Variants in CDH8 observed in about 807,000 individuals in gnomAD.
The protein encoded by CDH8 is cadherin-8.
In CDH8, 17 loss-of-function variants were observed where a neutral mutation model predicts 68.1. The observed-to-expected ratio is 0.25, with a 90% CI of 0.17 to 0.37. The LOEUF is 0.37. CDH8 is among the 10% of genes least tolerant of loss of function. CDH8 has a pLI of 1.00. For synonymous variants in CDH8, 372 were observed against 365.1 expected, an observed-to-expected ratio of 1.02 and a Z score of -0.21; for missense variants, 763 against 999.3, an observed-to-expected ratio of 0.76 and a Z score of 3.19.
At chr16:61,665,749 T>A (rs910694491) in intron 10 of CDH8, among the ~76,000 whole-genome samples, 1 of 149,812 alleles carries the variant, frequency 6.7e-6, no homozygotes. Flanking sequence ...AGTCTGAATT[T>A]ATTTTCCTTC....
intron 8 of CDH8, among the ~76,000 whole-genome samples, chr16:61,787,979 C>T (rs1427597506): frequency 6.7e-6 from 1 of 148,468 alleles, no homozygotes; most frequent in Non-Finnish European, 1.5e-5. Flanking sequence ...GGAAGATATA[C>T]CTAATGCTAG....
intron 2 of CDH8, among the ~76,000 whole-genome samples, chr16:61,926,353 G>A (rs1280171810): frequency 6.6e-6 from 1 of 152,168 alleles, no homozygotes; most frequent in African/African-American, 2.4e-5. Flanking sequence ...ATGCCTGACA[G>A]CAGCCCATTA....
At chr16:61,966,130 A>C (rs763875589) in intron 2 of CDH8, among the ~76,000 whole-genome samples, 2 of 152,240 alleles carry the variant, frequency 1.3e-5, no homozygotes, top group Non-Finnish European at 2.9e-5. Flanking sequence ...CTTTGAAGAG[A>C]AGAGTATAAA....
chr16:61,731,641 T>C (rs1302749247), intron 8 of CDH8, among the ~76,000 whole-genome samples: 1 of 151,744 alleles, frequency 6.6e-6, no homozygotes, highest in African/African-American at 2.4e-5. Flanking sequence ...GAGTAATAAT[T>C]CCAAACTCCA....
intron 8 of CDH8, among the ~76,000 whole-genome samples, chr16:61,750,914 GGAAAT>G (rs1238036839): frequency 6.6e-5 from 10 of 151,850 alleles, no homozygotes; most frequent in African/African-American, 2.4e-4. Context: ...TTTCTTCTTA[GGAAAT>G]TGTTGGAATT....
At chr16:61,761,437 TTG>T (rs1372123168) in intron 8 of CDH8, among the ~76,000 whole-genome samples, 1 of 152,182 alleles carries the variant, frequency 6.6e-6, no homozygotes, top group African/African-American at 2.4e-5. Flanking sequence ...CATGTGCATT[TTG>T]TGTTTTTGGC....
At chr16:61,675,162 A>T (rs1963877394) in intron 10 of CDH8, among the ~76,000 whole-genome samples, 1 of 152,060 alleles carries the variant, frequency 6.6e-6, no homozygotes, top group Admixed American at 6.6e-5. Context: ...TTAAACAACA[A>T]AACAAAAAGT....
intron 4 of CDH8, among the ~76,000 whole-genome samples, chr16:61,856,066 C>T (rs1963040378): frequency 1.3e-5 from 2 of 151,922 alleles, no homozygotes; most frequent in Non-Finnish European, 2.9e-5. Flanking sequence ...TAAGATTTTA[C>T]CCTTTGAATT....
intron 2 of CDH8, among the ~76,000 whole-genome samples, chr16:61,998,237 T>C (rs748115821): frequency 5.3e-5 from 8 of 152,212 alleles, no homozygotes; most frequent in Non-Finnish European, 1.0e-4. Flanking sequence ...GGTGAGATTC[T>C]TGTATTATTA....
At chr16:61,928,549 G>A (rs1567532421) in intron 2 of CDH8, among the ~76,000 whole-genome samples, 1 of 152,144 alleles carries the variant, frequency 6.6e-6, no homozygotes, top group Non-Finnish European at 1.5e-5. Context: ...GACAAGGACT[G>A]CACCCCTAGC....
At chr16:61,779,140 C>T (rs1190964025) in intron 8 of CDH8, among the ~76,000 whole-genome samples, 1 of 152,080 alleles carries the variant, frequency 6.6e-6, no homozygotes, top group African/African-American at 2.4e-5. Flanking sequence ...AATGCCATGC[C>T]AATTGTCTGC....
chr16:61,945,437 T>TAAAAA (rs59806534), intron 2 of CDH8, among the ~76,000 whole-genome samples: 1 of 120,450 alleles, frequency 8.3e-6, no homozygotes, highest in African/African-American at 3.1e-5. Flanking sequence ...GATGCATGAT[T>TAAAAA]AAAAAAAAAA....
At chr16:61,828,304 A>C (rs1962384985) in intron 4 of CDH8, among the ~76,000 whole-genome samples, 1 of 151,908 alleles carries the variant, frequency 6.6e-6, no homozygotes, top group South Asian at 2.1e-4. Context: ...TCAAGAAATA[A>C]GCATAAACAT....
intron 8 of CDH8, among the ~76,000 whole-genome samples, chr16:61,773,496 A>G (rs1960831326): frequency 6.6e-6 from 1 of 152,116 alleles, no homozygotes. Context: ...AAAATTTTAG[A>G]GAAATAATAC....
chr16:61,941,102 G>A (rs1313876440), intron 2 of CDH8, among the ~76,000 whole-genome samples: 1 of 152,292 alleles, frequency 6.6e-6, no homozygotes, highest in African/African-American at 2.4e-5. Flanking sequence ...ATGCAAGATT[G>A]CTTTCCAACA....
chr16:61,704,120 C>T (rs1210525377), intron 10 of CDH8, among the ~76,000 whole-genome samples: 7 of 152,174 alleles, frequency 4.6e-5, no homozygotes, highest in East Asian at 1.9e-4. Context: ...CCCTATTTCT[C>T]CTTTAAGTAA....
chr16:61,669,853 T>C (rs976924141), intron 10 of CDH8, among the ~76,000 whole-genome samples: 2 of 152,082 alleles, frequency 1.3e-5, no homozygotes, highest in African/African-American at 4.8e-5. Flanking sequence ...CTCCCATCTT[T>C]CTGTTCTATA....
At chr16:61,919,950 A>C (rs905849141) in intron 2 of CDH8, among the ~76,000 whole-genome samples, 1 of 152,156 alleles carries the variant, frequency 6.6e-6, no homozygotes, top group South Asian at 2.1e-4. Flanking sequence ...ATAATGCCGC[A>C]TATCTACAAC....
At chr16:61,948,959 C>A (rs530214938) in intron 2 of CDH8, among the ~76,000 whole-genome samples, 1 of 152,250 alleles carries the variant, frequency 6.6e-6, no homozygotes, top group East Asian at 1.9e-4. Flanking sequence ...TGTTTAAATG[C>A]ATTTTTGTAA....
Sources: allele counts gnomAD v4.1 joint callset (sites outside exome capture counted in the v4.1 genomes callset), GRCh38; gene constraint gnomAD v4.1.1; transcripts MANE v1.5; gene names NCBI Gene and HGNC (gene_info 2026-07-23, HGNC 2026-07-21).